Variants in TRHDE observed in about 807,000 individuals in gnomAD.
TRHDE encodes the protein thyrotropin-releasing hormone-degrading ectoenzyme.
Under a neutral mutation model 125.7 loss-of-function variants are expected in TRHDE, and 72 were observed. The observed-to-expected ratio is 0.57, with a 90% CI of 0.47 to 0.70. The LOEUF (loss-of-function observed/expected upper bound fraction) is 0.70. TRHDE is among the 30% of genes least tolerant of loss of function. TRHDE has a pLI of 0.00. For synonymous variants in TRHDE, 509 were observed against 509.1 expected (o/e 1.00, Z 0.00); for missense variants, 1,110 against 1,327.1 (o/e 0.84, Z 2.54).
At chr12:72,242,417 G>T (rs118057001) in intron 2 of TRHDE, among the ~76,000 whole-genome samples, 6,339 of 152,132 alleles carry the variant, frequency 0.042, 181 homozygotes, top group Non-Finnish European at 0.066. Flanking sequence ...GGGGGTTCTT[G>T]CCACCCTCTT....
chr12:72,339,428 C>A (rs1412889181), intron 2 of TRHDE, among the ~76,000 whole-genome samples: 1 of 152,102 alleles, frequency 6.6e-6, no homozygotes, highest in Non-Finnish European at 1.5e-5. Flanking sequence ...ACTGGTTATG[C>A]CATTTCACAC....
At chr12:72,148,844 G>T (rs190102978) in intron 2 of TRHDE, among the ~76,000 whole-genome samples, 1 of 152,264 alleles carries the variant, frequency 6.6e-6, no homozygotes, top group African/African-American at 2.4e-5. Flanking sequence ...TTGTGAAAGC[G>T]ACTATCTTGC....
intron 2 of TRHDE, among the ~76,000 whole-genome samples, chr12:72,374,499 C>A (rs989831454): frequency 2.0e-5 from 3 of 152,048 alleles, no homozygotes; most frequent in African/African-American, 7.2e-5. Context: ...GATGTTATCA[C>A]CCAGGCACTG....
At chr12:72,143,149 G>C (rs1169167608) in intron 2 of TRHDE, among the ~76,000 whole-genome samples, 1 of 152,094 alleles carries the variant, frequency 6.6e-6, no homozygotes, top group Non-Finnish European at 1.5e-5. Flanking sequence ...GTGGGGCTGA[G>C]AGCCCAAAGC....
At position 72,652,422 on chromosome 12, in the gene TRHDE, G is replaced by T; in HGVS notation, c.2776G>T (p.Ala926Ser). Reference protein sequence around the residue: ...FIWMKFHSTTAVSEKKILLEA... With the variant: ...FIWMKFHSTTSVSEKKILLEA... The stretch of plus-strand genomic sequence containing the variant: ...ATGGATGAAATTCCATTCCACCACA[G>T]CAGTTTCTGAGAAGAAAATATTATT... Residue 926 changes from alanine to serine, a missense_variant, in exon 16 of 19, where the codon GCA becomes TCA. By Grantham distance (99) the Ala-to-Ser change is moderately conservative (BLOSUM62 1). Coordinates refer to ENST00000261180, the MANE Select transcript of TRHDE (RefSeq NM_013381.3). 1 of 1,607,916 alleles carries T rather than the reference G, an allele frequency of 6.2e-7. No homozygotes were observed. Among genetic ancestry groups the T allele is most frequent in the Non-Finnish European group, 8.5e-7 (1 of 1,176,716 alleles).
At chr12:72,563,952 T>A (rs1352430613) in intron 9 of TRHDE, among the ~76,000 whole-genome samples, 1 of 152,122 alleles carries the variant, frequency 6.6e-6, no homozygotes, top group East Asian at 1.9e-4. Context: ...GTCTAGGAGA[T>A]CTGGAACAGA....
At chr12:72,510,657 T>C (rs1168826758) in intron 6 of TRHDE, among the ~76,000 whole-genome samples, 1 of 151,856 alleles carries the variant, frequency 6.6e-6, no homozygotes, top group Non-Finnish European at 1.5e-5. Flanking sequence ...ATTCCATGAA[T>C]GAAAAAAAAT....
At chr12:72,497,358 A>C (rs1031808253) in intron 5 of TRHDE, among the ~76,000 whole-genome samples, 2 of 152,144 alleles carry the variant, frequency 1.3e-5, no homozygotes, top group Non-Finnish European at 2.9e-5. Context: ...TAAAAATTAC[A>C]TCTCTAGCAA....
chr12:72,232,327 T>C (rs779358975), intron 2 of TRHDE, among the ~76,000 whole-genome samples: 1 of 152,040 alleles, frequency 6.6e-6, no homozygotes, highest in Non-Finnish European at 1.5e-5. Context: ...ATAGAGGTGG[T>C]CCCTCCTTGT....
chr12:72,651,451 G>A (rs1029333629), intron 15 of TRHDE, among the ~76,000 whole-genome samples: 10 of 151,846 alleles, frequency 6.6e-5, no homozygotes, highest in African/African-American at 2.4e-4. Context: ...GTATATTACT[G>A]CCACATTCAA....
At chr12:72,146,171 T>C (rs1243387631) in intron 2 of TRHDE, among the ~76,000 whole-genome samples, 1 of 152,216 alleles carries the variant, frequency 6.6e-6, no homozygotes, top group Non-Finnish European at 1.5e-5. Context: ...TACCCATTTA[T>C]TAGTTGTAAG....
chr12:72,153,693 T>C (rs1380601748), intron 2 of TRHDE, among the ~76,000 whole-genome samples: 1 of 152,140 alleles, frequency 6.6e-6, no homozygotes, highest in Non-Finnish European at 1.5e-5. Context: ...AGTTTCCGTG[T>C]AGTTGAGCGG....
At chr12:72,548,302 A>C (rs1242042666) in intron 7 of TRHDE, among the ~76,000 whole-genome samples, 1 of 151,704 alleles carries the variant, frequency 6.6e-6, no homozygotes, top group East Asian at 1.9e-4. Flanking sequence ...CCTATAAATA[A>C]ATATTTTATC....
chr12:72,575,647 A>G (rs1246923108), intron 12 of TRHDE, 105 bp downstream of exon 12: 1 of 1,054,122 alleles, frequency 9.5e-7, no homozygotes, highest in Admixed American at 2.2e-5. Context: ...ATTTAAAAAA[A>G]TCTATTTCTA....
At chr12:72,581,052 CAA>C (rs569883289) in intron 12 of TRHDE, among the ~76,000 whole-genome samples, 1 of 144,810 alleles carries the variant, frequency 6.9e-6, no homozygotes, top group East Asian at 2.0e-4. Flanking sequence ...AGAATGAAAG[CAA>C]AAAAAAAAGT....
At chr12:72,275,772 A>G (rs759831110) in intron 1 of TRHDE, among the ~76,000 whole-genome samples, 66 of 152,198 alleles carry the variant, frequency 4.3e-4, no homozygotes, top group Non-Finnish European at 4.9e-4. Context: ...GATTTCTTGT[A>G]CCCCTAGTGC....
At chr12:72,279,469 A>G (rs1440838240) in intron 1 of TRHDE, among the ~76,000 whole-genome samples, 1 of 152,186 alleles carries the variant, frequency 6.6e-6, no homozygotes, top group African/African-American at 2.4e-5. Flanking sequence ...ATTACTGGCC[A>G]GCTTCTACCA....
chr12:72,277,028 A>T (rs1879512631), intron 1 of TRHDE, among the ~76,000 whole-genome samples: 1 of 152,166 alleles, frequency 6.6e-6, no homozygotes, highest in Non-Finnish European at 1.5e-5. Flanking sequence ...ATTGAAAGGG[A>T]AATATAGCCA....
intron 2 of TRHDE, among the ~76,000 whole-genome samples, chr12:72,208,616 A>G (rs936057469): frequency 6.6e-6 from 1 of 152,018 alleles, no homozygotes; most frequent in Non-Finnish European, 1.5e-5. Context: ...CTCTGCATCT[A>G]TTTTTTTCTG....
Sources: gnomAD v4.1 joint callset for allele counts (sites outside exome capture counted in the v4.1 genomes callset) on GRCh38, gnomAD v4.1.1 for gene constraint, MANE v1.5 for transcripts, NCBI Gene and HGNC (gene_info 2026-07-23, HGNC 2026-07-21) for gene names.